Variants in PTPRJ observed in about 807,000 individuals in gnomAD.
PTPRJ encodes protein tyrosine phosphatase receptor type J.
A neutral mutation model predicts 141.3 loss-of-function variants in PTPRJ; 129 were observed. The observed-to-expected ratio is 0.91, with a 90% confidence interval of 0.79 to 1.06. The LOEUF (loss-of-function observed/expected upper bound fraction) is 1.06. PTPRJ is among the 50% of genes least tolerant of loss of function. The pLI, the probability that PTPRJ is intolerant of heterozygous loss-of-function variation, is 0.00. For missense variants in PTPRJ, 1,601 were observed against 1,679.7 expected (o/e 0.95, Z 0.82); for synonymous variants, 610 against 640.5 (o/e 0.95, Z 0.72).
chr11:48,098,606 C>T lies in PTPRJ; in HGVS notation c.97-11452C>T. Among the ~76,000 whole-genome samples, 2 of 17,726 alleles carry T rather than the reference C, an allele frequency of 1.1e-4. 1 individual carries two copies. Among genetic ancestry groups the T allele is most frequent in the South Asian group, 0.01 (2 of 198 alleles). 11.6% of individuals were successfully genotyped at this position (17,726 alleles called of 152,430 possible). On this transcript the variant is annotated intron_variant, in intron 1 of 24. Coordinates refer to ENST00000418331, the MANE Select transcript of PTPRJ (RefSeq NM_002843.4). ...CGCGATCTCGACTCACTGCAAGCTC[C>T]GCCTCCCGGGTTCACGCCATTCTCC...
chr11:48,012,961 C>T (rs879450060), intron 1 of PTPRJ, among the ~76,000 whole-genome samples: 7 of 151,740 alleles, frequency 4.6e-5, no homozygotes, highest in African/African-American at 7.3e-5. Flanking sequence ...AAAAATTAAC[C>T]GGGTGTGGTG....
chr11:48,098,952 A>T (rs1295922192), intron 1 of PTPRJ, among the ~76,000 whole-genome samples: 1 of 152,242 alleles, frequency 6.6e-6, no homozygotes, highest in Non-Finnish European at 1.5e-5. Flanking sequence ...AGAAACAATG[A>T]TAGTAATAAC....
rs562936929 is a variant in PTPRJ at position 48,167,935 on chromosome 11, G to T, written c.*573G>T. ...AAACTCAGTAGAGATCTATATTTTT[G>T]TACTGAATCTCATAATTGGAATATA... On this transcript the variant is annotated 3_prime_UTR_variant, in exon 25 of 25. Coordinates refer to ENST00000418331, the MANE Select transcript of PTPRJ (RefSeq NM_002843.4). 2.8e-4 allele frequency: 42 copies of T among 152,216 alleles called. No homozygotes were observed. The highest frequency in any genetic ancestry group is 9.9e-4 in the African/African-American group (41 of 41,506). 9.4% of individuals were successfully genotyped at this position (152,216 alleles called of 1,614,324 possible).
chr11:48,035,828 G>A (rs1479569799), intron 1 of PTPRJ, among the ~76,000 whole-genome samples: 2 of 152,128 alleles, frequency 1.3e-5, no homozygotes, highest in Non-Finnish European at 2.9e-5. Context: ...TGTAGGGAGA[G>A]TAAGCCTATT....
At chr11:47,997,140 G>C (rs527607430) in intron 1 of PTPRJ, among the ~76,000 whole-genome samples, 2 of 152,276 alleles carry the variant, frequency 1.3e-5, no homozygotes, top group East Asian at 3.9e-4. Context: ...TGTGTGCCCC[G>C]TAGGATGTCC....
chr11:48,023,690 G>A (rs1186928710), intron 1 of PTPRJ, among the ~76,000 whole-genome samples: 1 of 151,956 alleles, frequency 6.6e-6, no homozygotes, highest in African/African-American at 2.4e-5. Context: ...GCTGAGGTAG[G>A]AGAATCACTT....
In PTPRJ at chr11:47,980,835, G is replaced by GCGA; in HGVS notation, c.-72_-70dup. ...GAGGCGAAGGAGACGGCAGGAGGCG[G>GCGA]CGACGACGGTGCCCGGGCTCGGGCG... On this transcript the variant is annotated 5_prime_UTR_variant, in exon 1 of 25. Transcript: ENST00000418331. 9.4e-7 allele frequency: 1 copy of GCGA among 1,060,470 alleles called. No individual in the cohort carries two copies. Among genetic ancestry groups the GCGA allele is most frequent in the Non-Finnish European group, 1.1e-6 (1 of 880,850 alleles). 65.7% of individuals were successfully genotyped at this position (1,060,470 alleles called of 1,614,324 possible).
At chr11:48,131,670 G>T (rs1355030335) in intron 8 of PTPRJ, 2 of 569,892 alleles carry the variant, frequency 3.5e-6, no homozygotes, top group Non-Finnish European at 6.4e-6. Flanking sequence ...TGGCTACTTT[G>T]GTGCTAGAAT....
intron 1 of PTPRJ, among the ~76,000 whole-genome samples, chr11:48,011,071 C>T (rs1431230811): frequency 6.6e-6 from 1 of 152,126 alleles, no homozygotes; most frequent in Non-Finnish European, 1.5e-5. Flanking sequence ...GTGGTCCCTA[C>T]TGCCTATTCA....
intron 1 of PTPRJ, among the ~76,000 whole-genome samples, chr11:48,003,744 C>T (rs1450621433): frequency 2.0e-5 from 3 of 152,194 alleles, no homozygotes; most frequent in African/African-American, 7.2e-5. Flanking sequence ...GATCCACCCA[C>T]CTTGGCTCCT....
intron 1 of PTPRJ, among the ~76,000 whole-genome samples, chr11:48,089,525 A>AC (rs1855808353): frequency 6.6e-6 from 1 of 151,848 alleles, no homozygotes; most frequent in Non-Finnish European, 1.5e-5. Context: ...CAAAAAAAAA[A>AC]AAAAAAACAA....
chr11:48,119,970 G>C (rs540900032), intron 3 of PTPRJ, among the ~76,000 whole-genome samples: 1 of 152,154 alleles, frequency 6.6e-6, no homozygotes, highest in Non-Finnish European at 1.5e-5. Context: ...ACTGGTTTAC[G>C]ATCTTGTACA....
chr11:48,153,459 C>CTCCA (rs1463057999), intron 18 of PTPRJ, among the ~76,000 whole-genome samples: 1 of 134,898 alleles, frequency 7.4e-6, no homozygotes, highest in Non-Finnish European at 1.5e-5. Context: ...CGCCACTGCA[C>CTCCA]TCCAGCCTGG....
At chr11:48,091,012 C>T (rs1054284051) in intron 1 of PTPRJ, among the ~76,000 whole-genome samples, 4 of 152,142 alleles carry the variant, frequency 2.6e-5, no homozygotes, top group Non-Finnish European at 4.4e-5. Context: ...TACCACATTC[C>T]GAAGACTTCA....
intron 1 of PTPRJ, among the ~76,000 whole-genome samples, chr11:48,072,967 G>A (rs4298856): frequency 0.024 from 3,662 of 152,144 alleles, 151 homozygotes; most frequent in African/African-American, 0.084. Context: ...AGTATAAATG[G>A]CTTGTGGCTA....
At chr11:48,138,017 G>A (rs1037317354) in intron 10 of PTPRJ, among the ~76,000 whole-genome samples, 1 of 152,170 alleles carries the variant, frequency 6.6e-6, no homozygotes, top group East Asian at 1.9e-4. Context: ...TCACAGTGCT[G>A]ACTGTGGCAC....
chr11:48,050,641 A>G (rs781444227), intron 1 of PTPRJ, among the ~76,000 whole-genome samples: 2 of 152,212 alleles, frequency 1.3e-5, no homozygotes, highest in Admixed American at 6.5e-5. Flanking sequence ...ACATTAGAGC[A>G]TGCAGTTTGC....
At chr11:48,034,156 C>A (rs1352005454) in intron 1 of PTPRJ, among the ~76,000 whole-genome samples, 1 of 152,130 alleles carries the variant, frequency 6.6e-6, no homozygotes, top group Non-Finnish European at 1.5e-5. Flanking sequence ...TTGGCTCTGG[C>A]CTTTGCACTG....
chr11:47,992,843 G>T (rs187198566), intron 1 of PTPRJ, among the ~76,000 whole-genome samples: 1 of 152,002 alleles, frequency 6.6e-6, no homozygotes. Context: ...ATATATGTGC[G>T]CACGTGTGTG....
Sources: gnomAD v4.1 joint callset for allele counts (sites outside exome capture counted in the v4.1 genomes callset) on GRCh38, gnomAD v4.1.1 for gene constraint, MANE v1.5 for transcripts, NCBI Gene and HGNC (gene_info 2026-07-23, HGNC 2026-07-21) for gene names.